SUPT3H: variants seen among roughly 807,000 people sequenced by gnomAD.
The protein encoded by SUPT3H is transcription initiation protein SPT3 homolog.
A neutral mutation model predicts 44.3 loss-of-function variants in SUPT3H; 44 were observed. The observed-to-expected ratio is 0.99, with a 90% CI of 0.78 to 1.28. SUPT3H has a LOEUF of 1.28. Ranked by LOEUF, SUPT3H falls within the 50% of genes most tolerant of loss-of-function variation. SUPT3H has a pLI of 0.00. For missense variants in SUPT3H, 380 were observed against 387.1 expected, an observed-to-expected ratio of 0.98 and a Z score of 0.15; for synonymous variants, 124 against 125.6, an observed-to-expected ratio of 0.99 and a Z score of 0.09.
chr6:44,998,829 A>C (rs1781615296), intron 6 of SUPT3H, among the ~76,000 whole-genome samples: 1 of 151,510 alleles, frequency 6.6e-6, no homozygotes, highest in Non-Finnish European at 1.5e-5. Context: ...TCTATGCTTT[A>C]GTTGAATGTT....
intron 2 of SUPT3H, among the ~76,000 whole-genome samples, chr6:45,312,930 T>A (rs1784185719): frequency 6.6e-6 from 1 of 152,130 alleles, no homozygotes; most frequent in Non-Finnish European, 1.5e-5. Context: ...TGAAATGCTA[T>A]CAAGCACTTT....
At chr6:45,184,979 TC>T (rs2153615244) in intron 2 of SUPT3H, among the ~76,000 whole-genome samples, 1 of 152,228 alleles carries the variant, frequency 6.6e-6, no homozygotes, top group Non-Finnish European at 1.5e-5. Flanking sequence ...TCTAACCTAT[TC>T]CGTCCTTGCA....
chr6:45,140,845 G>C (rs1214019645), intron 2 of SUPT3H, among the ~76,000 whole-genome samples: 1 of 152,102 alleles, frequency 6.6e-6, no homozygotes, highest in African/African-American at 2.4e-5. Context: ...CCATTCCTAG[G>C]AAAAAGGGGA....
At chr6:45,167,062 A>G (rs1391329762) in intron 2 of SUPT3H, among the ~76,000 whole-genome samples, 1 of 152,226 alleles carries the variant, frequency 6.6e-6, no homozygotes, top group Non-Finnish European at 1.5e-5. Context: ...ATTTTTTAAT[A>G]AAAAGCCTTA....
chr6:44,850,256 T>G (rs889360613), intron 10 of SUPT3H, among the ~76,000 whole-genome samples: 39 of 152,276 alleles, frequency 2.6e-4, no homozygotes, highest in African/African-American at 8.9e-4. Flanking sequence ...AAATAAAAAC[T>G]TAAATAAAAT....
At chr6:45,220,929 T>C (rs1467469381) in intron 2 of SUPT3H, among the ~76,000 whole-genome samples, 2 of 152,202 alleles carry the variant, frequency 1.3e-5, no homozygotes, top group Admixed American at 6.5e-5. Context: ...CACACGTATG[T>C]TTACTGCAGC....
intron 3 of SUPT3H, among the ~76,000 whole-genome samples, chr6:45,063,730 G>A (rs1205738467): frequency 1.1e-3 from 117 of 105,956 alleles, no homozygotes; most frequent in Middle Eastern, 4.2e-3. Flanking sequence ...TGAAATGAAT[G>A]AAATGAAGCG....
chr6:44,899,970 T>C (rs1764707834), intron 10 of SUPT3H, among the ~76,000 whole-genome samples: 1 of 152,204 alleles, frequency 6.6e-6, no homozygotes, highest in Admixed American at 6.5e-5. Flanking sequence ...ACCTTGATGA[T>C]TAAGATACAA....
chr6:44,922,934 TA>T (rs755439439), intron 10 of SUPT3H, among the ~76,000 whole-genome samples: 1 of 152,160 alleles, frequency 6.6e-6, no homozygotes, highest in Non-Finnish European at 1.5e-5. Context: ...GTAATTTTTT[TA>T]AAGCCATATT....
intron 3 of SUPT3H, among the ~76,000 whole-genome samples, chr6:45,061,593 C>T (rs1792043097): frequency 6.6e-6 from 1 of 152,056 alleles, no homozygotes; most frequent in African/African-American, 2.4e-5. Context: ...TACACCGGAA[C>T]TTAAAATAAA....
rs987564543 is a variant in SUPT3H at position 44,830,801 on chromosome 6, A to AT, written c.913-945dup. On this transcript the variant is annotated intron_variant, in intron 10 of 10. Transcript: ENST00000371459. ...GAAAATCATAAAATTCAGGTTAGGG[A>AT]TTTTTCCCCCTTAGGCTAATAACTC... Among the ~76,000 whole-genome samples, 8 of 151,614 alleles carry AT rather than the reference A, an allele frequency of 5.3e-5. No individual in the cohort carries two copies. In the South Asian group the frequency reaches 8.3e-4, roughly 16 times the overall value.
chr6:45,317,028 A>C (rs1187356734), intron 2 of SUPT3H, among the ~76,000 whole-genome samples: 1 of 151,972 alleles, frequency 6.6e-6, no homozygotes, highest in Non-Finnish European at 1.5e-5. Flanking sequence ...GAAGTTCAAG[A>C]CCAGCCTGGG....
chr6:45,132,415 T>C (rs767014123), intron 2 of SUPT3H, among the ~76,000 whole-genome samples: 7 of 152,180 alleles, frequency 4.6e-5, no homozygotes, highest in Non-Finnish European at 1.0e-4. Context: ...TTTTCCCTAC[T>C]GCTTGATAAC....
intron 2 of SUPT3H, among the ~76,000 whole-genome samples, chr6:45,158,298 A>ATATATATATATATATATATAT: frequency 8.0e-5 from 8 of 99,684 alleles, no homozygotes; most frequent in African/African-American, 4.0e-4. Flanking sequence ...ATATATATAT[A>ATATATATATATATATATATAT]TTTTTTTTTT....
intron 10 of SUPT3H, among the ~76,000 whole-genome samples, chr6:44,909,142 CGTGTGT>C (rs34494107): frequency 0.028 from 4,073 of 147,042 alleles, 100 homozygotes; most frequent in South Asian, 0.11. Context: ...TGTGTGTGTG[CGTGTGT>C]GTGTGTGTGT....
At chr6:44,826,420 C>T (rs376922639), downstream of SUPT3H, among the ~76,000 whole-genome samples, 110 of 152,322 alleles carry the variant, frequency 7.2e-4, no homozygotes, top group African/African-American at 2.6e-3. Context: ...ACTGCTATGA[C>T]ATATTCAACT....
chr6:44,819,292 CAG>C (rs1767117514), intron 11 of SUPT3H, among the ~76,000 whole-genome samples: 1 of 151,946 alleles, frequency 6.6e-6, no homozygotes, highest in African/African-American at 2.4e-5. Context: ...ATGATAGGGA[CAG>C]AATGAGTGTT....
At chr6:45,292,201 G>C (rs1053029569) in intron 2 of SUPT3H, among the ~76,000 whole-genome samples, 5 of 152,060 alleles carry the variant, frequency 3.3e-5, no homozygotes, top group African/African-American at 1.2e-4. Flanking sequence ...CTTCATATAT[G>C]AAAGAAAGAT....
At chr6:45,228,028 A>G (rs966680595) in intron 2 of SUPT3H, among the ~76,000 whole-genome samples, 1 of 152,270 alleles carries the variant, frequency 6.6e-6, no homozygotes, top group Non-Finnish European at 1.5e-5. Context: ...ATATGAAAAC[A>G]TACAGAGCAA....
Sources: gnomAD v4.1 joint callset for allele counts (sites outside exome capture counted in the v4.1 genomes callset) on GRCh38, gnomAD v4.1.1 for gene constraint, MANE v1.5 for transcripts, NCBI Gene and HGNC (gene_info 2026-07-23, HGNC 2026-07-21) for gene names.